PARD3B: variants seen among roughly 807,000 people sequenced by gnomAD.
PARD3B encodes the protein partitioning defective 3 homolog B.
A neutral mutation model predicts 130.2 loss-of-function variants in PARD3B; 103 were observed. The ratio of observed to expected loss-of-function variants is 0.79; its 90% confidence interval spans 0.67 to 0.93. The LOEUF (loss-of-function observed/expected upper bound fraction) is 0.93. PARD3B is among the 40% of genes least tolerant of loss of function. The pLI, the probability that PARD3B is intolerant of heterozygous loss-of-function variation, is 0.00. For synonymous variants in PARD3B, 583 were observed against 553.2 expected (o/e 1.05, Z -0.76); for missense variants, 1,609 against 1,499.2 (o/e 1.07, Z -1.21).
chr2:205,000,089 A>G (rs1694705165), intron 3 of PARD3B, among the ~76,000 whole-genome samples: 1 of 151,852 alleles, frequency 6.6e-6, no homozygotes, highest in South Asian at 2.1e-4. Context: ...TATACTGAAC[A>G]GGCAGCTTTG....
chr2:204,612,437 A>G (rs2033962560), intron 1 of PARD3B, among the ~76,000 whole-genome samples: 1 of 152,154 alleles, frequency 6.6e-6, no homozygotes. Flanking sequence ...TTTTCTTCCC[A>G]GTTATGTTTA....
chr2:204,862,401 G>A lies in PARD3B; in HGVS notation c.223-102751G>A, dbSNP rs143404079. On this transcript the variant is annotated intron_variant, in intron 2 of 22. Coordinates refer to ENST00000406610, the MANE Select transcript of PARD3B (RefSeq NM_001302769.2). Reference sequence around the variant, plus strand: ...GCTGAAGCTTTTCCTGTGATTCCAGGGCATAATTTATTAAAAGGAGGAAAA... The same window carrying A: ...GCTGAAGCTTTTCCTGTGATTCCAGAGCATAATTTATTAAAAGGAGGAAAA... Among the ~76,000 whole-genome samples the A allele has an allele frequency of 5.0e-3, 760 of 152,054 alleles. 8 individuals are homozygous for A. Among genetic ancestry groups the A allele is most frequent in the African/African-American group, 0.017 (689 of 41,460 alleles).
intron 1 of PARD3B, among the ~76,000 whole-genome samples, chr2:204,595,078 T>A (rs1386374583): frequency 3.3e-5 from 5 of 152,210 alleles, no homozygotes; most frequent in African/African-American, 1.2e-4. Flanking sequence ...GGTACTCAGA[T>A]GCTGTATTAG....
intron 2 of PARD3B, among the ~76,000 whole-genome samples, chr2:204,930,274 TGATTCCAG>T (rs1687935854): frequency 6.6e-6 from 1 of 151,894 alleles, no homozygotes; most frequent in Non-Finnish European, 1.5e-5. Context: ...CCCAGGGGAC[TGATTCCAG>T]GACCTTCTGC....
At chr2:205,431,615 G>A (rs866936088) in intron 19 of PARD3B, among the ~76,000 whole-genome samples, 3 of 151,470 alleles carry the variant, frequency 2.0e-5, no homozygotes, top group Admixed American at 6.6e-5. Flanking sequence ...GACTATAGGC[G>A]TCTACCACCA....
chr2:204,561,508 G>A (rs1024358973), intron 1 of PARD3B, among the ~76,000 whole-genome samples: 2 of 152,050 alleles, frequency 1.3e-5, no homozygotes, highest in Non-Finnish European at 2.9e-5. Context: ...AGGGTGGGCA[G>A]CTCCATTCCT....
At chr2:204,866,933 G>A (rs1289593150) in intron 2 of PARD3B, among the ~76,000 whole-genome samples, 2 of 152,020 alleles carry the variant, frequency 1.3e-5, no homozygotes, top group African/African-American at 2.4e-5. Context: ...GCTGAGCATG[G>A]TGGTGGGCAC....
chr2:205,576,942 A>G (rs568803270), intron 22 of PARD3B, among the ~76,000 whole-genome samples: 2 of 152,160 alleles, frequency 1.3e-5, no homozygotes, highest in Admixed American at 6.5e-5. Flanking sequence ...ATGTCTCTCC[A>G]TTTATTTAGG....
At chr2:204,648,863 AAAT>A (rs1324105543) in intron 1 of PARD3B, among the ~76,000 whole-genome samples, 2 of 37,362 alleles carry the variant, frequency 5.4e-5, no homozygotes, top group Non-Finnish European at 7.5e-5. Context: ...TATATCATAT[AAAT>A]AATATATATT....
intron 2 of PARD3B, among the ~76,000 whole-genome samples, chr2:204,838,914 C>A (rs1575108187): frequency 1.3e-5 from 2 of 152,146 alleles, no homozygotes; most frequent in African/African-American, 4.8e-5. Context: ...CCTAACCTGG[C>A]TCCCTGAGTA....
At chr2:204,734,609 AG>A (rs2039663694) in intron 2 of PARD3B, among the ~76,000 whole-genome samples, 1 of 152,188 alleles carries the variant, frequency 6.6e-6, no homozygotes, top group African/African-American at 2.4e-5. Flanking sequence ...AACATGGATG[AG>A]TCTCAAAAGT....
In PARD3B at chr2:205,159,330, A is replaced by G. The variant is rs531821581; in HGVS notation, c.1620+423A>G. Among the ~76,000 whole-genome samples the G allele has an allele frequency of 1.3e-5, 2 of 152,360 alleles. 1 individual carries two copies. The highest frequency in any genetic ancestry group is 4.1e-4 in the South Asian group (2 of 4,830). On this transcript the variant is annotated intron_variant, in intron 11 of 22. Coordinates refer to ENST00000406610, the MANE Select transcript of PARD3B (RefSeq NM_001302769.2). ...GAGCCTGAGAGTGATTGTAGTATAA[A>G]TTAAAGGCCATTTATCACATTTTAT...
intron 18 of PARD3B, among the ~76,000 whole-genome samples, chr2:205,370,871 G>T (rs2044787917): frequency 6.6e-6 from 1 of 152,136 alleles, no homozygotes; most frequent in Admixed American, 6.5e-5. Flanking sequence ...GCTGTCAACT[G>T]TCTGTGTGTG....
chr2:205,373,535 T>C (rs2044907678), intron 18 of PARD3B, among the ~76,000 whole-genome samples: 1 of 151,998 alleles, frequency 6.6e-6, no homozygotes, highest in African/African-American at 2.4e-5. Flanking sequence ...CCATTCCAAG[T>C]GAAAAGGAAA....
At chr2:205,372,258 T>G (rs538769076) in intron 18 of PARD3B, among the ~76,000 whole-genome samples, 1 of 152,344 alleles carries the variant, frequency 6.6e-6, no homozygotes, top group South Asian at 2.1e-4. Flanking sequence ...TGACTGCATG[T>G]TTTTACCATC....
At chr2:204,829,048 A>G (rs1260144516) in intron 2 of PARD3B, among the ~76,000 whole-genome samples, 1 of 152,188 alleles carries the variant, frequency 6.6e-6, no homozygotes, top group Non-Finnish European at 1.5e-5. Flanking sequence ...ACTGTGTTAT[A>G]TCATGTAACT....
chr2:204,817,026 G>T (rs1158642918), intron 2 of PARD3B, among the ~76,000 whole-genome samples: 2 of 151,932 alleles, frequency 1.3e-5, no homozygotes, highest in African/African-American at 4.8e-5. Flanking sequence ...TCCACCCAGT[G>T]CATTTTTCAT....
At chr2:205,426,791 A>G (rs886430980) in intron 19 of PARD3B, among the ~76,000 whole-genome samples, 12 of 152,342 alleles carry the variant, frequency 7.9e-5, no homozygotes, top group African/African-American at 2.4e-4. Context: ...AGTAGAAAAT[A>G]TGAAACACTA....
At chr2:205,453,285 C>A (rs1176851042) in intron 20 of PARD3B, among the ~76,000 whole-genome samples, 1 of 152,018 alleles carries the variant, frequency 6.6e-6, no homozygotes, top group Non-Finnish European at 1.5e-5. Flanking sequence ...CAAAGGCCCA[C>A]AGAGAAAACA....
Sources: allele counts gnomAD v4.1 joint callset (sites outside exome capture counted in the v4.1 genomes callset), GRCh38; gene constraint gnomAD v4.1.1; transcripts MANE v1.5; gene names NCBI Gene and HGNC (gene_info 2026-07-23, HGNC 2026-07-21).